CFAP251: variants seen among roughly 807,000 people sequenced by gnomAD.
CFAP251 encodes the protein cilia- and flagella-associated protein 251.
A neutral mutation model predicts 126.7 loss-of-function variants in CFAP251; 93 were observed. The observed-to-expected ratio is 0.73, with a 90% CI of 0.62 to 0.87. CFAP251 has a LOEUF of 0.87. CFAP251 is among the 40% of genes least tolerant of loss of function. CFAP251 has a pLI of 0.00. For synonymous variants in CFAP251, 503 were observed against 506.9 expected, an observed-to-expected ratio of 0.99 and a Z score of 0.10; for missense variants, 1,287 against 1,389.2, an observed-to-expected ratio of 0.93 and a Z score of 1.17.
At position 121,975,267 on chromosome 12, in the gene CFAP251, T is replaced by C. The variant is rs769006883; in HGVS notation, c.2795T>C (p.Leu932Pro). Residue 932 changes from leucine (L) to proline (P), a missense_variant, in exon 18 of 22, where the codon CTT (leucine) becomes CCT (proline). By Grantham distance (98) the Leu-to-Pro change is moderately conservative (BLOSUM62 -3). Transcript: ENST00000288912. ...AGTGTCCTGGAGGCAGCGGTTTCTC[T>C]TGGGGGTGAAGACTTGACCCCATTC... Reference protein sequence around the residue: ...TLSVLEAAVSLGGEDLTPFYG... With the variant: ...TLSVLEAAVSPGGEDLTPFYG... The C allele has an allele frequency of 5.0e-6, 8 of 1,613,992 alleles. No individual in the cohort carries two copies. In the East Asian group the frequency reaches 1.3e-4, roughly 27 times the overall value.
At chr12:121,959,890 C>T (rs1032975451) in intron 13 of CFAP251, among the ~76,000 whole-genome samples, 4 of 152,032 alleles carry the variant, frequency 2.6e-5, no homozygotes, top group African/African-American at 4.8e-5. Context: ...TTTGGGAGGT[C>T]GAGGCAGTCA....
intron 7 of CFAP251, among the ~76,000 whole-genome samples, chr12:121,945,758 T>C (rs1881300702): frequency 6.6e-6 from 1 of 151,914 alleles, no homozygotes; most frequent in African/African-American, 2.4e-5. Flanking sequence ...CTTTGCCTCC[T>C]GGGTTCACGC....
intron 19 of CFAP251, among the ~76,000 whole-genome samples, chr12:121,978,636 T>C (rs554936913): frequency 1.3e-5 from 2 of 152,154 alleles, no homozygotes; most frequent in South Asian, 4.1e-4. Context: ...TATATACCTA[T>C]ATATATCAAC....
Position 121,972,537 on chromosome 12 carries a change from G to A in CFAP251, c.2772-2707G>A, listed in dbSNP as rs575467280. Among the ~76,000 whole-genome samples, 46 of 150,392 alleles carry A rather than the reference G, an allele frequency of 3.1e-4. No individual in the cohort carries two copies. The South Asian group carries it at 9.0e-3, about 30-fold the overall frequency. Reference sequence around the variant, plus strand: ...GAGTCTCACTCTTGTCACCCAGGCTGGAGTGCAATGGCACGATCTTGGCTC... The same window carrying A: ...GAGTCTCACTCTTGTCACCCAGGCTAGAGTGCAATGGCACGATCTTGGCTC... On this transcript the variant is annotated intron_variant, in intron 17 of 21. Transcript: ENST00000288912.
chr12:121,966,951 TCAGAAA>T lies in CFAP251; in HGVS notation c.2493-3_2495del. ...TTAAAAACTCTTTCTCTTTTTGCCT[TCAGAAA>T]GACGCTTCTGGGGCCAGCTTATGGT... On this transcript the variant is annotated splice_acceptor_variant and splice_polypyrimidine_tract_variant and coding_sequence_variant and intron_variant, in exon 16 of 22. Transcript: ENST00000288912. LOFTEE classifies it high-confidence loss of function. 1 of 1,612,866 alleles carries T rather than the reference TCAGAAA, an allele frequency of 6.2e-7. No homozygotes were observed. Among genetic ancestry groups the T allele is most frequent in the Admixed American group, 1.7e-5 (1 of 59,804 alleles).
chr12:121,999,908 C>T lies in CFAP251; in HGVS notation c.3199C>T (p.Arg1067Ter), dbSNP rs746741866. ...CAACTCCAAAGGGAAAAAGGCCATTCGAAGAGAGGACTTCCTGAGACTGCT... is the reference window on the plus strand; with the variant it reads ...CAACTCCAAAGGGAAAAAGGCCATTTGAAGAGAGGACTTCCTGAGACTGCT... ...YTNSKGKKAIRREDFLRLLVT... is the reference protein window; with the variant it reads ...YTNSKGKKAI Residue 1067 changes from arginine (R) to a stop codon, truncating the protein, a stop_gained, in exon 20 of 22, where the codon CGA becomes TGA. Coordinates refer to ENST00000288912, the MANE Select transcript of CFAP251 (RefSeq NM_144668.6). LOFTEE classifies it high-confidence loss of function. The T allele has an allele frequency of 6.8e-6, 11 of 1,613,802 alleles. No individual in the cohort carries two copies. In the Admixed American group the frequency reaches 1.3e-4, roughly 20 times the overall value.
chr12:121,921,852 A>G (rs912142528), intron 2 of CFAP251, among the ~76,000 whole-genome samples, 169 bp downstream of exon 2: 2 of 149,778 alleles, frequency 1.3e-5, no homozygotes, highest in Non-Finnish European at 2.9e-5. Context: ...CAGGGGCACA[A>G]TCTCAGCCTG....
At chr12:121,937,490 T>G (rs577863375) in intron 5 of CFAP251, among the ~76,000 whole-genome samples, 1 of 152,140 alleles carries the variant, frequency 6.6e-6, no homozygotes, top group Admixed American at 6.5e-5. Flanking sequence ...TTAAACCCAA[T>G]GCACAGGATG....
In CFAP251 at chr12:121,938,753, C is replaced by T. The variant is rs979784654; in HGVS notation, c.999-3781C>T. 3.3e-5 allele frequency among the ~76,000 whole-genome samples: 5 copies of T among 150,082 alleles called. No homozygotes were observed. In the South Asian group the frequency reaches 6.5e-4, roughly 20 times the overall value. ...ATCCCAGCACTTTGGGAGGCCGAGG[C>T]GGGTGGATCACTTGAGGTCAGGCAT... On this transcript the variant is annotated intron_variant, in intron 5 of 21. Coordinates refer to ENST00000288912, the MANE Select transcript of CFAP251 (RefSeq NM_144668.6).
chr12:121,959,130 A>C, intron 13 of CFAP251, 36 bp downstream of exon 13: 1 of 1,543,094 alleles, frequency 6.5e-7, no homozygotes, highest in Non-Finnish European at 8.7e-7. Context: ...CCAGTGGCTT[A>C]GCAATTTTAT....
In CFAP251 at chr12:121,995,377, G is replaced by A. The variant is rs1882999548; in HGVS notation, c.3007-4339G>A. ...ATGATTTAACAAGCAATTGTACATAGTATAAACTCAGTAAATGCTGTATAT... is the reference window on the plus strand; with the variant it reads ...ATGATTTAACAAGCAATTGTACATAATATAAACTCAGTAAATGCTGTATAT... On this transcript the variant is annotated intron_variant, in intron 19 of 21. Coordinates refer to ENST00000288912, the MANE Select transcript of CFAP251 (RefSeq NM_144668.6). Among the ~76,000 whole-genome samples the A allele has an allele frequency of 2.0e-5, 3 of 152,190 alleles. No homozygotes were observed. The South Asian group carries it at 6.2e-4, about 31-fold the overall frequency.
intron 20 of CFAP251, 33 bp downstream of exon 20, chr12:121,999,977 C>A (rs774716638): frequency 4.5e-6 from 7 of 1,571,914 alleles, no homozygotes; most frequent in Non-Finnish European, 6.1e-6. Flanking sequence ...CTGGTAACAT[C>A]CTGGGGCCAT....
At chr12:121,937,320 A>G (rs1880935239) in intron 5 of CFAP251, among the ~76,000 whole-genome samples, 1 of 152,072 alleles carries the variant, frequency 6.6e-6, no homozygotes. Flanking sequence ...CCATGCATCC[A>G]TCTGTGTCTT....
At chr12:121,936,954 C>T (rs1298412358) in intron 5 of CFAP251, among the ~76,000 whole-genome samples, 1 of 152,174 alleles carries the variant, frequency 6.6e-6, no homozygotes, top group Non-Finnish European at 1.5e-5. Context: ...TGAGTGTGGG[C>T]TCTGGCGTCC....
In CFAP251 at chr12:121,999,697, T is replaced by G; in HGVS notation, c.3007-19T>G. 6.4e-7 allele frequency: 1 copy of G among 1,569,818 alleles called. No individual in the cohort carries two copies. ...TTCTATTTACTGTGGTCTTTTTTTT[T>G]TCCCCATCTTTCCCCTAGATTGATG... On this transcript the variant is annotated intron_variant, in intron 19 of 21. Transcript: ENST00000288912.
rs968001638 is a variant in CFAP251, at chr12:122,001,540, A to T, written c.3279A>T (p.Ser1093=). The change falls in exon 21 of 22, where the codon TCA becomes TCT. Residue 1093 remains serine, a synonymous_variant. Transcript: ENST00000288912. ...AGGAGATGTTGGATTGCTTTGCTTC[A>T]CTGTTTGGCCTGAATCCCGAGGGAT... The part of the protein sequence containing the change: ...TEEEMLDCFA[S]LFGLNPEGWK... 3.7e-6 allele frequency: 6 copies of T among 1,613,934 alleles called. No individual in the cohort carries two copies. Among genetic ancestry groups the T allele is most frequent in the Non-Finnish European group, 5.1e-6 (6 of 1,180,000 alleles).
chr12:121,940,031 T>C (rs978779740), intron 5 of CFAP251, among the ~76,000 whole-genome samples: 6 of 152,200 alleles, frequency 3.9e-5, no homozygotes, highest in African/African-American at 1.4e-4. Context: ...AAATTAGACA[T>C]AAATATGGTA....
chr12:122,000,648 A>C (rs1225746568), intron 20 of CFAP251, among the ~76,000 whole-genome samples: 1 of 152,186 alleles, frequency 6.6e-6, no homozygotes, highest in African/African-American at 2.4e-5. Context: ...TTTAATTTTT[A>C]CCTACTATGT....
intron 16 of CFAP251, among the ~76,000 whole-genome samples, chr12:121,967,511 G>A (rs1391560591): frequency 6.6e-6 from 1 of 152,134 alleles, no homozygotes; most frequent in Non-Finnish European, 1.5e-5. Context: ...GACCATCCTG[G>A]CTAACACGGT....
Sources: gnomAD v4.1 joint callset for allele counts (sites outside exome capture counted in the v4.1 genomes callset) on GRCh38, gnomAD v4.1.1 for gene constraint, MANE v1.5 for transcripts, NCBI Gene and HGNC (gene_info 2026-07-23, HGNC 2026-07-21) for gene names.